Variants in HEXIM1 observed in about 807,000 individuals in gnomAD.
HEXIM1 encodes the protein protein HEXIM1.
HEXIM1 carries 1 observed loss-of-function variant against 30.3 expected under a neutral mutation model. The observed-to-expected ratio is 0.03, with a 90% CI of 0.01 to 0.16. The LOEUF is 0.16. HEXIM1 is among the 10% of genes least tolerant of loss of function. HEXIM1 has a pLI of 1.00. For missense variants in HEXIM1, 391 were observed against 476.4 expected (o/e 0.82, Z 1.67); for synonymous variants, 245 against 208.3 (o/e 1.18, Z -1.52).
At position 45,149,355 on chromosome 17, in the gene HEXIM1, G is replaced by C; in HGVS notation, c.165G>C (p.Leu55Phe). ...GGCAATCGAGAGCGTTCCCCCAGTT[G>C]GGTGGCCGTCCGGGGCCGGAGGGGG... Reference protein sequence around the residue: ...SRWQSRAFPQLGGRPGPEGEG... With the variant: ...SRWQSRAFPQFGGRPGPEGEG... Residue 55 changes from leucine (L) to phenylalanine (F), a missense_variant, in exon 1 of 1, where the codon TTG becomes TTC. Leu to Phe is a conservative substitution (Grantham distance 22). Coordinates refer to ENST00000332499, the MANE Select transcript of HEXIM1 (RefSeq NM_006460.3). This position sits in a 1 kb window ranked among gnomAD's most constrained non-coding sequence, Gnocchi z 5.3. 6.2e-7 allele frequency: 1 copy of C among 1,613,482 alleles called. No individual in the cohort carries two copies. Among genetic ancestry groups the C allele is most frequent in the African/African-American group, 1.3e-5 (1 of 75,050 alleles).
Position 45,149,153 on chromosome 17 carries a change from T to C in HEXIM1, c.-38T>C, listed in dbSNP as rs770771089. The C allele has an allele frequency of 1.2e-5, 19 of 1,537,110 alleles. No homozygotes were observed. In the African/African-American group the frequency reaches 1.4e-4, roughly 11 times the overall value. ...CCCATTTTTTTCCTTAAGGACTTAC[T>C]AGCCAAAATTTCTTAAACTTCGAGG... On this transcript the variant is annotated 5_prime_UTR_variant, in exon 1 of 1. Transcript: ENST00000332499. The surrounding 1 kb of genome is among the most constrained non-coding windows in gnomAD (Gnocchi z 5.3).
rs1342597159 is a variant in HEXIM1 at position 45,149,223 on chromosome 17, C to T, written c.33C>T (p.His11=). ...AGCCATTCTTGTCAGAATATCAACA[C>T]CAGCCTCAAACTAGCAACTGTACAG... MAEPFLSEYQ[H]QPQTSNCTGA... is the part of the protein sequence containing the mutation. Residue 11 remains histidine (H), a synonymous_variant, in exon 1 of 1, where the codon CAC becomes CAT. Coordinates refer to ENST00000332499, the MANE Select transcript of HEXIM1 (RefSeq NM_006460.3). This position sits in a 1 kb window ranked among gnomAD's most constrained non-coding sequence, Gnocchi z 5.3. 10 of 1,613,364 alleles carry T rather than the reference C, an allele frequency of 6.2e-6. No individual in the cohort carries two copies. The highest frequency in any genetic ancestry group is 6.8e-6 in the Non-Finnish European group (8 of 1,179,888).
chr17:45,148,722 C>G lies in HEXIM1; in HGVS notation c.-469C>G, dbSNP rs567942857. On this transcript the variant is annotated 5_prime_UTR_variant, in exon 1 of 1. Transcript: ENST00000332499. ...CACCCGTGGAAGTGGGAGGAGGTGG[C>G]GCCGGGACTTTAACCCCTTGTGGGC... The G allele has an allele frequency of 2.3e-4, 91 of 401,016 alleles. No individual in the cohort carries two copies. Among genetic ancestry groups the G allele is most frequent in the African/African-American group, 1.8e-3 (87 of 48,736 alleles). The allele number at this position is 401,016 out of a possible 1,614,324, so 24.8% of individuals were successfully genotyped here. A position where few individuals can be genotyped will look rare whatever the true frequency, so the allele number is the denominator to read the frequency against.
rs2055546785 is a variant in HEXIM1 at position 45,151,366 on chromosome 17, C to G, written c.*1096C>G. The G allele has an allele frequency of 6.0e-6, 1 of 167,006 alleles. No homozygotes were observed. The highest frequency in any genetic ancestry group is 1.5e-5 in the Non-Finnish European group (1 of 68,136). 10.3% of individuals were successfully genotyped at this position (167,006 alleles called of 1,614,324 possible). On this transcript the variant is annotated 3_prime_UTR_variant, in exon 1 of 1. Coordinates refer to ENST00000332499, the MANE Select transcript of HEXIM1 (RefSeq NM_006460.3). ...CAAACTAAAATTAGAAATGTCCCCT[C>G]ACTGCAGATCAAATGTAAAGCTTCC...
At position 45,150,420 on chromosome 17, in the gene HEXIM1, A is replaced by T. The variant is rs1054376092; in HGVS notation, c.*150A>T. On this transcript the variant is annotated 3_prime_UTR_variant, in exon 1 of 1. Transcript: ENST00000332499. ...TGGCTTTGGTTTCGTAAATTTAGCT[A>T]TATGTAGCTTGCGTGCTTTCTCCTG... 1.2e-6 allele frequency: 1 copy of T among 817,054 alleles called. No individual in the cohort carries two copies. 50.6% of individuals were successfully genotyped at this position (817,054 alleles called of 1,614,324 possible).
Position 45,151,463 on chromosome 17 carries a change from A to C in HEXIM1, c.*1193A>C, listed in dbSNP as rs1283954660. On this transcript the variant is annotated 3_prime_UTR_variant, in exon 1 of 1. Transcript: ENST00000332499. The stretch of plus-strand genomic sequence containing the variant: ...CATCCCCTTGCACAGCCCTATTCTA[A>C]ATCGCTTAAACTATGCTGATAGCTG... 6.0e-6 allele frequency: 1 copy of C among 167,034 alleles called. No homozygotes were observed. Among genetic ancestry groups the C allele is most frequent in the Non-Finnish European group, 1.5e-5 (1 of 68,124 alleles). 10.3% of individuals were successfully genotyped at this position (167,034 alleles called of 1,614,324 possible).
Position 45,150,286 on chromosome 17 carries a change from G to A in HEXIM1, c.*16G>A. The A allele has an allele frequency of 6.2e-7, 1 of 1,603,314 alleles. No homozygotes were observed. The highest frequency in any genetic ancestry group is 1.1e-5 in the South Asian group (1 of 90,642). ...TGGAGACTAGACTGAAACTTTTTTG[G>A]GGGAGGGGGCAAAGGGGACTTTTTA... On this transcript the variant is annotated 3_prime_UTR_variant, in exon 1 of 1. Transcript: ENST00000332499.
At position 45,150,286 on chromosome 17, in the gene HEXIM1, G is replaced by C. The variant is rs2055537981; in HGVS notation, c.*16G>C. 5.0e-6 allele frequency: 8 copies of C among 1,603,314 alleles called. No homozygotes were observed. Among genetic ancestry groups the C allele is most frequent in the Admixed American group, 3.4e-5 (2 of 59,418 alleles). ...TGGAGACTAGACTGAAACTTTTTTG[G>C]GGGAGGGGGCAAAGGGGACTTTTTA... On this transcript the variant is annotated 3_prime_UTR_variant, in exon 1 of 1. Transcript: ENST00000332499.
rs1321473932 is a variant in HEXIM1, at chr17:45,150,341, T to G, written c.*71T>G. ...GATGGAATGTAACATTATATACATG[T>G]GTATATAAGACAGTGGACCTTTTTA... On this transcript the variant is annotated 3_prime_UTR_variant, in exon 1 of 1. Transcript: ENST00000332499. The G allele has an allele frequency of 8.5e-6, 13 of 1,525,904 alleles. No individual in the cohort carries two copies. Among genetic ancestry groups the G allele is most frequent in the Middle Eastern group, 1.8e-4 (1 of 5,698 alleles). The allele number at this position is 1,525,904 out of a possible 1,614,324, so 94.5% of individuals were successfully genotyped here.
chr17:45,148,476 G>C lies in HEXIM1; in HGVS notation c.-715G>C, dbSNP rs1354722154. On this transcript the variant is annotated 5_prime_UTR_variant, in exon 1 of 1. Transcript: ENST00000332499. ...AAGGGGCGCAGAGGACTGGGAGACAGCAGTTGGAAGTTGGCAGGTGGAGAG... is the reference window on the plus strand; with the variant it reads ...AAGGGGCGCAGAGGACTGGGAGACACCAGTTGGAAGTTGGCAGGTGGAGAG... 3 of 398,672 alleles carry C rather than the reference G, an allele frequency of 7.5e-6. No homozygotes were observed. In the East Asian group the frequency reaches 1.1e-4, roughly 14 times the overall value. 24.7% of individuals were successfully genotyped at this position (398,672 alleles called of 1,614,324 possible). A position where few individuals can be genotyped will look rare whatever the true frequency, so the allele number is the denominator to read the frequency against.
Position 45,151,535 on chromosome 17 carries a change from G to C in HEXIM1, c.*1265G>C, listed in dbSNP as rs2055547511. The C allele has an allele frequency of 6.0e-6, 1 of 167,066 alleles. No individual in the cohort carries two copies. Among genetic ancestry groups the C allele is most frequent in the South Asian group, 2.1e-4 (1 of 4,834 alleles). 10.3% of individuals were successfully genotyped at this position (167,066 alleles called of 1,614,324 possible). A position where few individuals can be genotyped will look rare whatever the true frequency, so the allele number is the denominator to read the frequency against. ...GCTCTTAAACGTAGGGAGGCCCTGA[G>C]AACTAAATTTTGCCCCAAAATAAAA... On this transcript the variant is annotated 3_prime_UTR_variant, in exon 1 of 1. Transcript: ENST00000332499.
Position 45,148,905 on chromosome 17 carries a change from G to T in HEXIM1, c.-286G>T. 1 of 449,892 alleles carries T rather than the reference G, an allele frequency of 2.2e-6. No individual in the cohort carries two copies. The highest frequency in any genetic ancestry group is 5.9e-4 in the Middle Eastern group (1 of 1,694). The allele number at this position is 449,892 out of a possible 1,614,324, so 27.9% of individuals were successfully genotyped here. A position where few individuals can be genotyped will look rare whatever the true frequency, so the allele number is the denominator to read the frequency against. On this transcript the variant is annotated 5_prime_UTR_variant, in exon 1 of 1. In the 5' UTR this introduces an upstream ATG that the reference lacks. Coordinates refer to ENST00000332499, the MANE Select transcript of HEXIM1 (RefSeq NM_006460.3). Reference sequence around the variant, plus strand: ...TGGGGTGCTCCGCTTGGAGGTTTGAGGCCCACCTCCGCCCATTACGTACTG... The same window carrying T: ...TGGGGTGCTCCGCTTGGAGGTTTGATGCCCACCTCCGCCCATTACGTACTG...
rs577043303 is a variant in HEXIM1, at chr17:45,150,131, G to A, written c.941G>A (p.Arg314Gln). The change falls in exon 1 of 1, where the codon CGG becomes CAG. Residue 314 changes from arginine to glutamine, a missense_variant. This residue lies in a region of HEXIM1 where 73 missense variants were observed against 80.9 expected (regional missense o/e 0.90). Transcript: ENST00000332499. ...AACCGGCTGCGGCTGGAGAGCAAGC[G>A]GCTGGGTGGCGACGACGCGCGTGTG... ...ENNRLRLESK[R>Q]LGGDDARVRE... 1 of 1,613,658 alleles carries A rather than the reference G, an allele frequency of 6.2e-7. No homozygotes were observed. The highest frequency in any genetic ancestry group is 8.5e-7 in the Non-Finnish European group (1 of 1,180,030).
chr17:45,149,910 C>T lies in HEXIM1; in HGVS notation c.720C>T (p.Asp240=), dbSNP rs761658949. 6.2e-7 allele frequency: 1 copy of T among 1,613,824 alleles called. No homozygotes were observed. The highest frequency in any genetic ancestry group is 8.5e-7 in the Non-Finnish European group (1 of 1,179,996). ...AAKSDDTSDD[D]FMEEGGEEDG... ...AATCCGACGACACCAGCGATGACGACTTCATGGAAGAAGGGGGTGAGGAGG... is the reference window on the plus strand; with the variant it reads ...AATCCGACGACACCAGCGATGACGATTTCATGGAAGAAGGGGGTGAGGAGG... Residue 240 remains aspartate (D), a synonymous_variant, in exon 1 of 1, where the codon GAC becomes GAT. Coordinates refer to ENST00000332499, the MANE Select transcript of HEXIM1 (RefSeq NM_006460.3). This position sits in a 1 kb window ranked among gnomAD's most constrained non-coding sequence, Gnocchi z 5.3.
chr17:45,148,725 CG>C lies in HEXIM1; in HGVS notation c.-463del, dbSNP rs2055522677. ...CCGTGGAAGTGGGAGGAGGTGGCGC[CG>C]GGACTTTAACCCCTTGTGGGCTCTG... On this transcript the variant is annotated 5_prime_UTR_variant, in exon 1 of 1. Transcript: ENST00000332499. 2 of 401,004 alleles carry C rather than the reference CG, an allele frequency of 5.0e-6. No individual in the cohort carries two copies. Among genetic ancestry groups the C allele is most frequent in the Non-Finnish European group, 8.8e-6 (2 of 227,446 alleles). The allele number at this position is 401,004 out of a possible 1,614,324, so 24.8% of individuals were successfully genotyped here. A position where few individuals can be genotyped will look rare whatever the true frequency, so the allele number is the denominator to read the frequency against.
At position 45,150,048 on chromosome 17, in the gene HEXIM1, G is replaced by A; in HGVS notation, c.858G>A (p.Glu286=). ...TESLQNMSKQ[E]LIKEYLELEK... is the part of the protein sequence containing the mutation. ...GCCTGCAGAACATGAGCAAGCAGGA[G>A]CTCATCAAGGAGTACCTGGAACTGG... Residue 286 remains glutamate, a synonymous_variant, in exon 1 of 1, where the codon GAG becomes GAA. Transcript: ENST00000332499. 6.2e-7 allele frequency: 1 copy of A among 1,614,084 alleles called. No individual in the cohort carries two copies. Among genetic ancestry groups the A allele is most frequent in the Non-Finnish European group, 8.5e-7 (1 of 1,180,042 alleles).
Position 45,148,637 on chromosome 17 carries a change from G to A in HEXIM1, c.-554G>A, listed in dbSNP as rs1598114992. 2 of 399,690 alleles carry A rather than the reference G, an allele frequency of 5.0e-6. No individual in the cohort carries two copies. The highest frequency in any genetic ancestry group is 3.6e-5 in the East Asian group (1 of 28,074). The allele number at this position is 399,690 out of a possible 1,614,324, so 24.8% of individuals were successfully genotyped here. On this transcript the variant is annotated 5_prime_UTR_variant, in exon 1 of 1. Transcript: ENST00000332499. ...ATCGAGCCAAAGGGGAGATGAGTTTGTCTGTCCTCTGCTGAGGCTACGGCC... is the reference window on the plus strand; with the variant it reads ...ATCGAGCCAAAGGGGAGATGAGTTTATCTGTCCTCTGCTGAGGCTACGGCC...
chr17:45,149,482 T>G lies in HEXIM1; in HGVS notation c.292T>G (p.Ser98Ala). 1 of 1,611,158 alleles carries G rather than the reference T, an allele frequency of 6.2e-7. No homozygotes were observed. The highest frequency in any genetic ancestry group is 8.5e-7 in the Non-Finnish European group (1 of 1,179,196). Residue 98 changes from serine (S) to alanine (A), a missense_variant, in exon 1 of 1, where the codon TCC becomes GCC. By Grantham distance (99) the Ser-to-Ala change is moderately conservative (BLOSUM62 1). This residue lies in a region of HEXIM1 where 230 missense variants were observed against 199.4 expected (regional missense o/e 1.15). Coordinates refer to ENST00000332499, the MANE Select transcript of HEXIM1 (RefSeq NM_006460.3). The surrounding 1 kb of genome is among the most constrained non-coding windows in gnomAD (Gnocchi z 5.3). ...GAAGGGCCAGAATGGGGACGACTCGTCCGCTGGCGGCGACTTCCCGCCGCC... is the reference window on the plus strand; with the variant it reads ...GAAGGGCCAGAATGGGGACGACTCGGCCGCTGGCGGCGACTTCCCGCCGCC... ...GEKGQNGDDSSAGGDFPPPAE... is the reference protein window; with the variant it reads ...GEKGQNGDDSAAGGDFPPPAE...
chr17:45,148,796 G>T lies in HEXIM1; in HGVS notation c.-395G>T, dbSNP rs1040535668. On this transcript the variant is annotated 5_prime_UTR_variant, in exon 1 of 1. Transcript: ENST00000332499. ...TTGTGGATCTGGCCCCTCGGAGGCAGCGTCATCGGTAGTTTTAACCCCTTC... is the reference window on the plus strand; with the variant it reads ...TTGTGGATCTGGCCCCTCGGAGGCATCGTCATCGGTAGTTTTAACCCCTTC... 2 of 402,700 alleles carry T rather than the reference G, an allele frequency of 5.0e-6. No homozygotes were observed. The highest frequency in any genetic ancestry group is 8.5e-5 in the Admixed American group (2 of 23,396). The allele number at this position is 402,700 out of a possible 1,614,324, so 24.9% of individuals were successfully genotyped here. A position where few individuals can be genotyped will look rare whatever the true frequency, so the allele number is the denominator to read the frequency against.
Sources: allele counts gnomAD v4.1 joint callset, GRCh38; gene constraint gnomAD v4.1.1; regional missense constraint gnomAD v4.1.1; non-coding constraint Gnocchi (gnomAD v3.1); transcripts MANE v1.5; gene names NCBI Gene and HGNC (gene_info 2026-07-23, HGNC 2026-07-21).